CDH18: variants seen among roughly 807,000 people sequenced by gnomAD.
The protein encoded by CDH18 is cadherin 18, also known as cadherin-18.
Under a neutral mutation model 67.9 loss-of-function variants are expected in CDH18, and 31 were observed. The ratio of observed to expected loss-of-function variants is 0.46; its 90% CI spans 0.34 to 0.62. The LOEUF is 0.62. CDH18 is among the 20% of genes least tolerant of loss of function. CDH18 has a pLI of 0.01. For missense variants in CDH18, 890 were observed against 975.5 expected, an observed-to-expected ratio of 0.91 and a Z score of 1.17; for synonymous variants, 362 against 347.2, an observed-to-expected ratio of 1.04 and a Z score of -0.48.
chr5:19,583,592 T>C (rs572206807), intron 7 of CDH18, among the ~76,000 whole-genome samples: 11 of 152,102 alleles, frequency 7.2e-5, no homozygotes, highest in African/African-American at 2.4e-4. Context: ...GGTCTGGAGG[T>C]ATAATTAAAA....
chr5:19,755,500 TAC>T (rs1212390789), intron 3 of CDH18, among the ~76,000 whole-genome samples: 5 of 107,260 alleles, frequency 4.7e-5, no homozygotes, highest in African/African-American at 5.6e-5. Context: ...CACATATATA[TAC>T]ACACACACAT....
At chr5:20,521,254 A>G (rs1755723755) in intron 1 of CDH18, among the ~76,000 whole-genome samples, 1 of 152,122 alleles carries the variant, frequency 6.6e-6, no homozygotes, top group South Asian at 2.1e-4. Flanking sequence ...TGACTAGGAA[A>G]AGTATAAGTT....
intron 2 of CDH18, among the ~76,000 whole-genome samples, chr5:20,085,116 T>C (rs1744830218): frequency 2.0e-5 from 3 of 152,232 alleles, no homozygotes; most frequent in Admixed American, 1.3e-4. Context: ...CTTATAAAAC[T>C]GAATGCTGTT....
intron 3 of CDH18, among the ~76,000 whole-genome samples, chr5:19,813,063 T>C (rs113646545): frequency 0.011 from 1,719 of 152,094 alleles, 30 homozygotes; most frequent in African/African-American, 0.037. Flanking sequence ...CACCGCATGT[T>C]CCCACTCATA....
chr5:20,413,804 C>T lies in CDH18; in HGVS notation c.-579-158299G>A, dbSNP rs528170165. Among the ~76,000 whole-genome samples, 4 of 152,256 alleles carry T rather than the reference C, an allele frequency of 2.6e-5. No individual in the cohort carries two copies. The East Asian group carries it at 7.7e-4, about 29-fold the overall frequency. On this transcript the variant is annotated intron_variant, in intron 1 of 14. Transcript: ENST00000507958. ...AGTAGTTTCTTTTGCTGTGCAGAAG[C>T]TCTTTAGTTTAATTAGATTCCATTT...
rs575151428 is a variant in CDH18 at position 19,616,757 on chromosome 5, CAG to C, written c.644-4158_644-4157del. Among the ~76,000 whole-genome samples the C allele has an allele frequency of 8.5e-5, 13 of 152,194 alleles. No individual in the cohort carries two copies. The East Asian group carries it at 2.3e-3, about 27-fold the overall frequency. On this transcript the variant is annotated intron_variant, in intron 5 of 12. Transcript: ENST00000382275. ...ACCATAGGCTGGGTGGTTTTAAAAA[CAG>C]AGATTTATTTCTCACACTTCCAGAA...
intron 4 of CDH18, among the ~76,000 whole-genome samples, chr5:19,744,586 T>C (rs1426964542): frequency 2.6e-5 from 4 of 151,998 alleles, no homozygotes; most frequent in Non-Finnish European, 4.4e-5. Context: ...TCTCTGTTAT[T>C]TTCCTTGACT....
At chr5:20,518,802 A>G (rs1272411146) in intron 1 of CDH18, among the ~76,000 whole-genome samples, 1 of 152,172 alleles carries the variant, frequency 6.6e-6, no homozygotes, top group African/African-American at 2.4e-5. Context: ...AAGAGTATGG[A>G]AAGTGTTTCT....
At chr5:19,855,195 T>C (rs1248347896) in intron 2 of CDH18, among the ~76,000 whole-genome samples, 2 of 152,120 alleles carry the variant, frequency 1.3e-5, no homozygotes, top group Non-Finnish European at 2.9e-5. Flanking sequence ...TCTTTCATCT[T>C]GTTCCCCTGC....
intron 5 of CDH18, among the ~76,000 whole-genome samples, chr5:19,713,884 T>C (rs1289296402): frequency 1.3e-5 from 2 of 152,096 alleles, no homozygotes; most frequent in African/African-American, 2.4e-5. Flanking sequence ...CTCTGGTTCA[T>C]AGATTTCAGG....
intron 1 of CDH18, among the ~76,000 whole-genome samples, chr5:19,985,546 G>A (rs2150373198): frequency 6.6e-6 from 1 of 152,052 alleles, no homozygotes; most frequent in African/African-American, 2.4e-5. Flanking sequence ...GATCTAGTGG[G>A]TAGAGAATAG....
At chr5:19,599,895 CAAGACA>C (rs1561440395) in intron 6 of CDH18, among the ~76,000 whole-genome samples, 1 of 151,930 alleles carries the variant, frequency 6.6e-6, no homozygotes, top group African/African-American at 2.4e-5. Flanking sequence ...TCAATAAAAA[CAAGACA>C]AAAACAAAAA....
chr5:20,160,583 A>G (rs189636380), intron 2 of CDH18, among the ~76,000 whole-genome samples: 66 of 152,362 alleles, frequency 4.3e-4, no homozygotes, highest in Admixed American at 5.2e-4. Context: ...TCACTTGAAA[A>G]ATAACATTTT....
intron 5 of CDH18, among the ~76,000 whole-genome samples, chr5:19,618,618 C>T (rs903602250): frequency 6.6e-6 from 1 of 152,134 alleles, no homozygotes; most frequent in African/African-American, 2.4e-5. Context: ...GACATGTGGA[C>T]CACTTAATAA....
chr5:20,511,354 A>G (rs1284940615), intron 1 of CDH18, among the ~76,000 whole-genome samples: 1 of 152,198 alleles, frequency 6.6e-6, no homozygotes, highest in African/African-American at 2.4e-5. Flanking sequence ...AAAGAAATGT[A>G]AACTGCATTT....
At chr5:20,237,085 T>C (rs1212098641) in intron 2 of CDH18, among the ~76,000 whole-genome samples, 1 of 151,958 alleles carries the variant, frequency 6.6e-6, no homozygotes, top group Non-Finnish European at 1.5e-5. Flanking sequence ...TAAAGCTCAA[T>C]ATAGTTTTTT....
chr5:19,513,233 A>G (rs951033130), intron 10 of CDH18, among the ~76,000 whole-genome samples: 11 of 152,118 alleles, frequency 7.2e-5, no homozygotes, highest in African/African-American at 2.2e-4. Context: ...TAAGACTCCC[A>G]AGTAGCTGGG....
In CDH18 at chr5:20,263,663, T is replaced by G. The variant is rs149495700; in HGVS notation, c.-579-8158A>C. On this transcript the variant is annotated intron_variant, in intron 1 of 14. Transcript: ENST00000507958. The stretch of plus-strand genomic sequence containing the variant: ...TAACAAATGTTCTCACAGTGTAAGA[T>G]TGAACAATGGATTTTAATTAACAAA... 2.0e-4 allele frequency among the ~76,000 whole-genome samples: 30 copies of G among 152,312 alleles called. No homozygotes were observed. The East Asian group carries it at 5.4e-3, about 27-fold the overall frequency.
At chr5:20,095,600 A>AAAGAAAGAAAG (rs1745922842) in intron 2 of CDH18, among the ~76,000 whole-genome samples, 3 of 140,840 alleles carry the variant, frequency 2.1e-5, no homozygotes, top group Non-Finnish European at 3.1e-5. Context: ...AAGAAAGAAG[A>AAAGAAAGAAAG]AAGAAAGAAA....
Sources: allele counts gnomAD v4.1 joint callset (sites outside exome capture counted in the v4.1 genomes callset), GRCh38; gene constraint gnomAD v4.1.1; transcripts MANE v1.5; gene names NCBI Gene and HGNC (gene_info 2026-07-23, HGNC 2026-07-21).